The following CARF variants were observed in gnomAD, a reference collection of about 807,000 sequenced individuals.
The protein encoded by CARF is calcium-responsive transcription factor.
In CARF, 57 loss-of-function variants were observed where a neutral mutation model predicts 82.0. The ratio of observed to expected loss-of-function variants is 0.70; its 90% CI spans 0.56 to 0.87. CARF has a LOEUF of 0.87. CARF is among the 40% of genes least tolerant of loss of function. The pLI is 0.00. For synonymous variants in CARF, 268 were observed against 290.1 expected, an observed-to-expected ratio of 0.92 and a Z score of 0.77; for missense variants, 771 against 855.8, an observed-to-expected ratio of 0.90 and a Z score of 1.24.
chr2:202,945,349 G>A (rs940364654), intron 5 of CARF, among the ~76,000 whole-genome samples: 5 of 151,850 alleles, frequency 3.3e-5, no homozygotes, highest in Admixed American at 2.0e-4. Flanking sequence ...CTTTAGGTTC[G>A]AAGGTACATG....
At chr2:202,968,087 A>T (rs1345507086) in intron 10 of CARF, among the ~76,000 whole-genome samples, 2 of 152,214 alleles carry the variant, frequency 1.3e-5, no homozygotes, top group East Asian at 1.9e-4. Context: ...CACTTTTAGC[A>T]TCACATCTCA....
chr2:202,921,683 A>G (rs1453078410), intron 2 of CARF, among the ~76,000 whole-genome samples: 1 of 152,230 alleles, frequency 6.6e-6, no homozygotes, highest in Non-Finnish European at 1.5e-5. Flanking sequence ...ATAAATATAT[A>G]TGATTAGAAA....
Position 202,970,027 on chromosome 2 carries a change from AAAG to A in CARF, c.1068_1070del (p.Lys356del). ...AGCAGGAGAAAGCTTTTAACATGCT[AAAG>A]AAGAACTTGGTAGATGCTGGTGGTG... On this transcript the variant is annotated inframe_deletion, in exon 11 of 17. Transcript: ENST00000438828. The A allele has an allele frequency of 2.5e-6, 4 of 1,574,854 alleles. No homozygotes were observed. Among genetic ancestry groups the A allele is most frequent in the Non-Finnish European group, 3.4e-6 (4 of 1,168,826 alleles).
intron 8 of CARF, among the ~76,000 whole-genome samples, chr2:202,957,683 G>A (rs889331980): frequency 6.6e-6 from 1 of 151,938 alleles, no homozygotes; most frequent in African/African-American, 2.4e-5. Context: ...GGCCGGGTGC[G>A]GTGGCTCACT....
At chr2:202,946,168 C>CA (rs2058487440) in intron 5 of CARF, among the ~76,000 whole-genome samples, 2 of 151,610 alleles carry the variant, frequency 1.3e-5, no homozygotes, top group South Asian at 2.1e-4. Context: ...CATATGGAAC[C>CA]AAAAAAGAGC....
At chr2:202,921,847 A>C (rs1479157721) in intron 2 of CARF, among the ~76,000 whole-genome samples, 1 of 151,932 alleles carries the variant, frequency 6.6e-6, no homozygotes, top group African/African-American at 2.4e-5. Flanking sequence ...TTTTCCTGAG[A>C]TGGGGTCTCA....
intron 8 of CARF, among the ~76,000 whole-genome samples, chr2:202,959,014 T>A (rs2059185300): frequency 6.6e-6 from 1 of 152,136 alleles, no homozygotes; most frequent in Non-Finnish European, 1.5e-5. Context: ...CATTTAATGA[T>A]GTTTTACTAT....
chr2:202,935,324 TTATA>T (rs67665417), intron 3 of CARF, among the ~76,000 whole-genome samples: 124,670 of 142,998 alleles, frequency 0.87, 55,269 homozygotes, highest in Non-Finnish European at 0.95. Flanking sequence ...ATTTGTATAT[TTATA>T]TATATATATA....
chr2:202,945,746 A>G (rs147489223), intron 5 of CARF, among the ~76,000 whole-genome samples: 9 of 152,098 alleles, frequency 5.9e-5, no homozygotes, highest in African/African-American at 1.7e-4. Flanking sequence ...TTTATTTGCT[A>G]TTGTGAGTAG....
intron 1 of CARF, among the ~76,000 whole-genome samples, chr2:202,913,484 G>A (rs1689095021): frequency 6.6e-6 from 1 of 152,176 alleles, no homozygotes; most frequent in African/African-American, 2.4e-5. Flanking sequence ...TTAACTAGAA[G>A]CTTTGCCAGC....
chr2:202,942,914 G>T lies in CARF; in HGVS notation c.253G>T (p.Gly85Trp). The T allele has an allele frequency of 6.2e-7, 1 of 1,614,004 alleles. No homozygotes were observed. The highest frequency in any genetic ancestry group is 8.5e-7 in the Non-Finnish European group (1 of 1,179,998). ...GCAATTCCATCTAGTGGACCAAAAT[G>T]GGCAGGCTATTCAATATGAACTTCA... ...AEQFHLVDQNGQAIQYELQSL... is the reference protein window; with the variant it reads ...AEQFHLVDQNWQAIQYELQSL... The change falls in exon 5 of 17, where the codon GGG (glycine) becomes TGG (tryptophan). Residue 85 changes from glycine to tryptophan, a missense_variant. Coordinates refer to ENST00000438828, the MANE Select transcript of CARF (RefSeq NM_024744.17).
Position 202,954,035 on chromosome 2 carries a change from A to C in CARF, c.458A>C (p.Asn153Thr). 1 of 1,609,612 alleles carries C rather than the reference A, an allele frequency of 6.2e-7. No individual in the cohort carries two copies. The highest frequency in any genetic ancestry group is 8.5e-7 in the Non-Finnish European group (1 of 1,178,392). Residue 153 changes from asparagine to threonine, a missense_variant, in exon 7 of 17, where the codon AAC (asparagine) becomes ACC (threonine). Physicochemically the swap from Asn to Thr is moderately conservative, Grantham distance 65. Transcript: ENST00000438828. The part of the protein sequence containing the change: ...DVPEEKPSNR[N>T]LPTVRVDTLA... ...CCTGAAGAGAAACCCAGTAACAGAA[A>C]CTTACCAACTGTAAGAGTGGATACT... is the stretch of plus-strand genomic sequence containing the variant.
chr2:202,946,217 C>T (rs1190414554), intron 5 of CARF, among the ~76,000 whole-genome samples: 1 of 152,238 alleles, frequency 6.6e-6, no homozygotes. Context: ...AAGAACAAAG[C>T]TAGAGGCATC....
chr2:202,953,644 T>C (rs1202561929), intron 6 of CARF, among the ~76,000 whole-genome samples: 1 of 151,950 alleles, frequency 6.6e-6, no homozygotes, highest in Non-Finnish European at 1.5e-5. Flanking sequence ...TCTTTGTTAA[T>C]AGTCATTAAG....
intron 16 of CARF, among the ~76,000 whole-genome samples, chr2:202,982,951 T>C (rs1162861880): frequency 6.6e-6 from 1 of 152,136 alleles, no homozygotes; most frequent in Non-Finnish European, 1.5e-5. Flanking sequence ...AATGATGCAA[T>C]CACAGGTCAC....
At chr2:202,963,556 G>A (rs1212175592) in intron 9 of CARF, among the ~76,000 whole-genome samples, 1 of 152,122 alleles carries the variant, frequency 6.6e-6, no homozygotes, top group Admixed American at 6.6e-5. Context: ...GGATGGTTTC[G>A]GGATGATTCA....
At chr2:202,935,338 A>G (rs1026128576) in intron 3 of CARF, among the ~76,000 whole-genome samples, 125 of 145,974 alleles carry the variant, frequency 8.6e-4, no homozygotes, top group African/African-American at 3.0e-3. Flanking sequence ...ATATATATAT[A>G]TATATTAGTA....
intron 2 of CARF, among the ~76,000 whole-genome samples, chr2:202,918,613 T>C (rs1390342521): frequency 2.0e-5 from 3 of 152,176 alleles, no homozygotes; most frequent in Admixed American, 6.5e-5. Context: ...ACTTATAGCA[T>C]ATACTGACAT....
At chr2:202,971,925 A>G (rs1046082865) in intron 12 of CARF, among the ~76,000 whole-genome samples, 187 bp downstream of exon 12, 4 of 152,108 alleles carry the variant, frequency 2.6e-5, no homozygotes, top group Non-Finnish European at 1.5e-5. Context: ...TTGGCAAGCA[A>G]TGGTGTAATA....
Sources: gnomAD v4.1 joint callset for allele counts (sites outside exome capture counted in the v4.1 genomes callset) on GRCh38, gnomAD v4.1.1 for gene constraint, MANE v1.5 for transcripts, NCBI Gene and HGNC (gene_info 2026-07-23, HGNC 2026-07-21) for gene names.